The following PRSS22 variants were observed in gnomAD, a reference collection of about 807,000 sequenced individuals.
PRSS22 encodes the protein serine protease 22, also known as brain-specific serine protease 4.
A neutral mutation model predicts 28.0 loss-of-function variants in PRSS22; 26 were observed. The observed-to-expected ratio is 0.93, with a 90% CI of 0.68 to 1.29. The LOEUF (loss-of-function observed/expected upper bound fraction) is 1.29. Among genes scored for constraint, PRSS22 ranks in the 50% most tolerant of loss-of-function variants. The pLI is 0.00. For missense variants in PRSS22, 444 were observed against 422.1 expected (o/e 1.05, Z -0.46); for synonymous variants, 217 against 177.9 (o/e 1.22, Z -1.75).
In PRSS22 at chr16:2,853,246, G is replaced by C. The variant is rs760904013; in HGVS notation, c.801C>G (p.Ala267=). ...AGIISWGEGC[A]ERNRPGVYIS... is the part of the protein sequence containing the mutation. ...TGTAGACCCCGGGCCTGTTGCGCTC[G>C]GCACAGCCCTCGCCCCAGCTGATGA... The change falls in exon 6 of 6, where the codon GCC becomes GCG. Residue 267 remains alanine (A), a synonymous_variant. Transcript: ENST00000161006. The surrounding 1 kb of genome is among the most constrained non-coding windows in gnomAD (Gnocchi z 4.6). 5.0e-6 allele frequency: 8 copies of C among 1,600,880 alleles called. No individual in the cohort carries two copies. The highest frequency in any genetic ancestry group is 2.2e-5 in the South Asian group (2 of 91,080).
rs1308332559 is a variant in PRSS22, at chr16:2,855,751, G to T, written c.382C>A (p.Pro128Thr). Reference sequence around the variant, plus strand: ...TCCTTCCAGGAATACACAGGGTGGGGCTCCACCCAGGCAACACCCACCTTC... The same window carrying T: ...TCCTTCCAGGAATACACAGGGTGGGTCTCCACCCAGGCAACACCCACCTTC... ...SQKVGVAWVEPHPVYSWKEGA... is the reference protein window; with the variant it reads ...SQKVGVAWVETHPVYSWKEGA... The change falls in exon 4 of 6, where the codon CCC becomes ACC. Residue 128 changes from proline to threonine, a missense_variant. Physicochemically the swap from Pro to Thr is conservative, Grantham distance 38. Transcript: ENST00000161006. The T allele has an allele frequency of 3.1e-6, 5 of 1,614,156 alleles. No homozygotes were observed. In the South Asian group the frequency reaches 4.4e-5, roughly 14 times the overall value.
At chr16:2,854,130 G>T in intron 4 of PRSS22, 108 bp from the exon 5 acceptor site, 1 of 1,294,608 alleles carries the variant, frequency 7.7e-7, no homozygotes, top group Non-Finnish European at 1.1e-6. Context: ...GTTCTCAAAG[G>T]CTAACAGATT....
In PRSS22 at chr16:2,852,973, CAGAGGT is replaced by C. The variant is rs59921428; in HGVS notation, c.*114_*119del. The C allele has an allele frequency of 0.81, 546,787 of 673,510 alleles. 223,750 individuals carry two copies. The highest frequency in any genetic ancestry group is 0.84 in the Non-Finnish European group (354,791 of 422,672). 41.7% of individuals were successfully genotyped at this position (673,510 alleles called of 1,614,324 possible). On this transcript the variant is annotated 3_prime_UTR_variant, in exon 6 of 6. Transcript: ENST00000161006. ...TTTCCGCAGCAGCCGTCCGGGCCCC[CAGAGGT>C]AGAGGTAGATGAGCCTATTTACGGC...
chr16:2,857,022 G>A (rs1449825992), intron 1 of PRSS22, 174 bp from the exon 2 acceptor site: 5 of 729,396 alleles, frequency 6.9e-6, no homozygotes, highest in Non-Finnish European at 1.2e-5. Context: ...CGCCCAGTGA[G>A]GAGGGGTCCC....
intron 4 of PRSS22, chr16:2,854,483 C>T: frequency 6.0e-6 from 1 of 167,018 alleles, no homozygotes; most frequent in Non-Finnish European, 1.3e-5. Context: ...GAAGCCCCTA[C>T]AGAGATCATG....
chr16:2,854,129 G>A, intron 4 of PRSS22, 107 bp from the exon 5 acceptor site: 2 of 1,306,802 alleles, frequency 1.5e-6, no homozygotes, highest in Non-Finnish European at 2.1e-6. Flanking sequence ...GGTTCTCAAA[G>A]GCTAACAGAT....
At position 2,852,966 on chromosome 16, in the gene PRSS22, G is replaced by C. The variant is rs978581900; in HGVS notation, c.*127C>G. ...GGTTTCCTTTCCGCAGCAGCCGTCC[G>C]GGCCCCCAGAGGTAGAGGTAGATGA... On this transcript the variant is annotated 3_prime_UTR_variant, in exon 6 of 6. Coordinates refer to ENST00000161006, the MANE Select transcript of PRSS22 (RefSeq NM_022119.4). The C allele has an allele frequency of 3.7e-5, 22 of 588,878 alleles. No homozygotes were observed. Among genetic ancestry groups the C allele is most frequent in the Non-Finnish European group, 5.0e-5 (19 of 382,150 alleles). The allele number at this position is 588,878 out of a possible 1,614,324, so 36.5% of individuals were successfully genotyped here.
chr16:2,857,928 A>T (rs1431286859), intron 1 of PRSS22, 95 bp downstream of exon 1: 11 of 920,284 alleles, frequency 1.2e-5, no homozygotes, highest in Non-Finnish European at 1.6e-5. Context: ...AAAGGAGATG[A>T]GAGAGGCAAG....
At chr16:2,857,489 GTC>G (rs915085488) in intron 1 of PRSS22, 1 of 185,372 alleles carries the variant, frequency 5.4e-6, no homozygotes, top group Non-Finnish European at 1.1e-5. Context: ...AGACTCTCAA[GTC>G]TCTCAACCCC....
chr16:2,853,315 G>A lies in PRSS22; in HGVS notation c.732C>T (p.Gly244=), dbSNP rs562693689. Residue 244 remains glycine, a synonymous_variant, in exon 6 of 6, where the codon GGC becomes GGT. Coordinates refer to ENST00000161006, the MANE Select transcript of PRSS22 (RefSeq NM_022119.4). The surrounding 1 kb of genome is among the most constrained non-coding windows in gnomAD (Gnocchi z 4.6). The part of the protein sequence containing the change: ...ERDACLGDSG[G]PLMCQVDGAW... Reference sequence around the variant, plus strand: ...CGCCGTCCACCTGGCACATGAGGGGGCCCCCGGAGTCGCCCTGCAGAGAGG... The same window carrying A: ...CGCCGTCCACCTGGCACATGAGGGGACCCCCGGAGTCGCCCTGCAGAGAGG... 17 of 1,597,042 alleles carry A rather than the reference G, an allele frequency of 1.1e-5. No individual in the cohort carries two copies. The African/African-American group carries it at 2.0e-4, about 19-fold the overall frequency.
chr16:2,855,918 A>G, intron 3 of PRSS22, 67 bp from the exon 4 acceptor site: 1 of 1,556,760 alleles, frequency 6.4e-7, no homozygotes, highest in Non-Finnish European at 8.7e-7. Flanking sequence ...GGGGAACAGC[A>G]TGGGTGTGAA....
rs2150826978 is a variant in PRSS22, at chr16:2,853,009, GA to G, written c.*83del. The stretch of plus-strand genomic sequence containing the variant: ...GTAGATGAGCCTATTTACGGCGGGG[GA>G]AACCGCCCGAGGCCGCCGCAGATCC... On this transcript the variant is annotated 3_prime_UTR_variant, in exon 6 of 6. Transcript: ENST00000161006. This position sits in a 1 kb window ranked among gnomAD's most constrained non-coding sequence, Gnocchi z 4.6. The G allele has an allele frequency of 2.1e-6, 2 of 969,760 alleles. No homozygotes were observed. Among genetic ancestry groups the G allele is most frequent in the South Asian group, 3.5e-5 (2 of 57,680 alleles). The allele number at this position is 969,760 out of a possible 1,614,324, so 60.1% of individuals were successfully genotyped here. A position where few individuals can be genotyped will look rare whatever the true frequency, so the allele number is the denominator to read the frequency against.
intron 4 of PRSS22, among the ~76,000 whole-genome samples, chr16:2,855,347 CAA>C (rs33950878): frequency 8.4e-4 from 58 of 69,024 alleles, no homozygotes; most frequent in African/African-American, 2.0e-3. Flanking sequence ...CACCCTGTCT[CAA>C]AAAAAAAAAA....
At chr16:2,856,681 C>T in intron 2 of PRSS22, 141 bp downstream of exon 2, 1 of 960,128 alleles carries the variant, frequency 1.0e-6, no homozygotes, top group Non-Finnish European at 1.6e-6. Context: ...TGTCTCCTTC[C>T]TGCCTCCCTT....
At position 2,858,152 on chromosome 16, in the gene PRSS22, G is replaced by A. The variant is rs969691657; in HGVS notation, c.-48C>T. ...GCAGCAGGCTCGAGAGACCCAGGGCGATGCGGGTCAGGGTGTGTAGGTTCC... is the reference window on the plus strand; with the variant it reads ...GCAGCAGGCTCGAGAGACCCAGGGCAATGCGGGTCAGGGTGTGTAGGTTCC... On this transcript the variant is annotated 5_prime_UTR_variant, in exon 1 of 6. Coordinates refer to ENST00000161006, the MANE Select transcript of PRSS22 (RefSeq NM_022119.4). 2.4e-6 allele frequency: 3 copies of A among 1,249,728 alleles called. No homozygotes were observed. The highest frequency in any genetic ancestry group is 3.0e-6 in the Non-Finnish European group (3 of 992,306). 77.4% of individuals were successfully genotyped at this position (1,249,728 alleles called of 1,614,324 possible).
intron 4 of PRSS22, 28 bp downstream of exon 4, chr16:2,855,546 A>G (rs762621031): frequency 6.2e-7 from 1 of 1,612,298 alleles, no homozygotes; most frequent in Non-Finnish European, 8.5e-7. Flanking sequence ...ATCTGCCCCC[A>G]ACCACCTTGG....
Position 2,852,969 on chromosome 16 carries a change from C to T in PRSS22, c.*124G>A. The T allele has an allele frequency of 1.7e-6, 1 of 572,582 alleles. No individual in the cohort carries two copies. Among genetic ancestry groups the T allele is most frequent in the Non-Finnish European group, 2.7e-6 (1 of 372,296 alleles). 35.5% of individuals were successfully genotyped at this position (572,582 alleles called of 1,614,324 possible). A position where few individuals can be genotyped will look rare whatever the true frequency, so the allele number is the denominator to read the frequency against. On this transcript the variant is annotated 3_prime_UTR_variant, in exon 6 of 6. Transcript: ENST00000161006. ...TTCCTTTCCGCAGCAGCCGTCCGGG[C>T]CCCCAGAGGTAGAGGTAGATGAGCC...
Position 2,852,952 on chromosome 16 carries a change from C to T in PRSS22, c.*141G>A. On this transcript the variant is annotated 3_prime_UTR_variant, in exon 6 of 6. Coordinates refer to ENST00000161006, the MANE Select transcript of PRSS22 (RefSeq NM_022119.4). ...CGGGTCGGGGAGGGGGTTTCCTTTCCGCAGCAGCCGTCCGGGCCCCCAGAG... is the reference window on the plus strand; with the variant it reads ...CGGGTCGGGGAGGGGGTTTCCTTTCTGCAGCAGCCGTCCGGGCCCCCAGAG... 2 of 634,332 alleles carry T rather than the reference C, an allele frequency of 3.2e-6. No individual in the cohort carries two copies. Among genetic ancestry groups the T allele is most frequent in the Non-Finnish European group, 5.1e-6 (2 of 391,880 alleles). The allele number at this position is 634,332 out of a possible 1,614,324, so 39.3% of individuals were successfully genotyped here. A position where few individuals can be genotyped will look rare whatever the true frequency, so the allele number is the denominator to read the frequency against.
Position 2,852,834 on chromosome 16 carries a change from G to C in PRSS22, c.*259C>G. 1 of 367,228 alleles carries C rather than the reference G, an allele frequency of 2.7e-6. No homozygotes were observed. Among genetic ancestry groups the C allele is most frequent in the Non-Finnish European group, 4.4e-6 (1 of 228,114 alleles). 22.7% of individuals were successfully genotyped at this position (367,228 alleles called of 1,614,324 possible). A position where few individuals can be genotyped will look rare whatever the true frequency, so the allele number is the denominator to read the frequency against. On this transcript the variant is annotated 3_prime_UTR_variant, in exon 6 of 6. Coordinates refer to ENST00000161006, the MANE Select transcript of PRSS22 (RefSeq NM_022119.4). ...AACATTTATATACACAAAAGCGCTG[G>C]GGCCCGGGGCGGGGCCGGAAGTCGT... is the stretch of plus-strand genomic sequence containing the variant.
Sources: allele counts gnomAD v4.1 joint callset (sites outside exome capture counted in the v4.1 genomes callset), GRCh38; gene constraint gnomAD v4.1.1; non-coding constraint Gnocchi (gnomAD v3.1); transcripts MANE v1.5; gene names NCBI Gene and HGNC (gene_info 2026-07-23, HGNC 2026-07-21).